SNCAIP: variants seen among roughly 807,000 people sequenced by gnomAD.
SNCAIP encodes synuclein alpha interacting protein.
A neutral mutation model predicts 86.7 loss-of-function variants in SNCAIP; 43 were observed. That is an observed-to-expected ratio of 0.50 (90% CI 0.39 to 0.64). The LOEUF (loss-of-function observed/expected upper bound fraction) is 0.64, where lower values mean the gene tolerates loss of function less well. Ranked by LOEUF, SNCAIP falls within the 30% of genes least tolerant of loss-of-function variation. The pLI, the probability that SNCAIP is intolerant of heterozygous loss-of-function variation, is 0.00. For synonymous variants in SNCAIP, 417 were observed against 427.2 expected, an observed-to-expected ratio of 0.98 and a Z score of 0.29; for missense variants, 981 against 1,103.1, an observed-to-expected ratio of 0.89 and a Z score of 1.57.
chr5:122,449,591 T>C (rs1220985124), intron 8 of SNCAIP, among the ~76,000 whole-genome samples: 2 of 152,194 alleles, frequency 1.3e-5, no homozygotes, highest in Non-Finnish European at 2.9e-5. Flanking sequence ...TATAATTTGT[T>C]CACTGAGACT....
intron 1 of SNCAIP, among the ~76,000 whole-genome samples, chr5:122,348,858 A>G (rs1010982154): frequency 6.6e-6 from 1 of 152,186 alleles, no homozygotes; most frequent in Non-Finnish European, 1.5e-5. Context: ...TTTAAGCTGC[A>G]CTGTTGTAAA....
At chr5:122,358,713 C>G (rs1761615009) in intron 1 of SNCAIP, among the ~76,000 whole-genome samples, 1 of 152,030 alleles carries the variant, frequency 6.6e-6, no homozygotes, top group Admixed American at 6.6e-5. Flanking sequence ...TGAAAAACCA[C>G]AGTTTTTAAA....
chr5:122,444,394 G>A (rs1165583618), intron 7 of SNCAIP, 169 bp from the exon 8 acceptor site: 3 of 693,178 alleles, frequency 4.3e-6, no homozygotes, highest in Non-Finnish European at 7.8e-6. Flanking sequence ...ATTGATAGTA[G>A]TAGGACTGGC....
intron 1 of SNCAIP, among the ~76,000 whole-genome samples, chr5:122,346,031 G>T (rs1052785558): frequency 7.2e-5 from 11 of 152,090 alleles, no homozygotes; most frequent in Admixed American, 1.3e-4. Context: ...AGGGAAAAGA[G>T]GAGAGGGCTG....
intron 1 of SNCAIP, among the ~76,000 whole-genome samples, chr5:122,366,540 A>T (rs1054102770): frequency 3.9e-5 from 6 of 152,220 alleles, no homozygotes; most frequent in African/African-American, 1.4e-4. Context: ...ATTCATTGGC[A>T]AGTGAAAAGC....
intron 1 of SNCAIP, among the ~76,000 whole-genome samples, chr5:122,345,588 G>A (rs765578558): frequency 7.9e-5 from 12 of 152,092 alleles, no homozygotes; most frequent in Non-Finnish European, 1.6e-4. Context: ...CAACTCCCAT[G>A]ATCTCTGTAC....
chr5:122,436,141 G>C (rs2152956041), intron 6 of SNCAIP, among the ~76,000 whole-genome samples: 1 of 152,152 alleles, frequency 6.6e-6, no homozygotes, highest in South Asian at 2.1e-4. Context: ...ACAGCAAACT[G>C]TCTCCATTGT....
chr5:122,444,788 AG>A (rs1781921254), intron 8 of SNCAIP, 56 bp downstream of exon 8: 1 of 1,420,982 alleles, frequency 7.0e-7, no homozygotes, highest in African/African-American at 1.4e-5. Context: ...TGTTGTACTT[AG>A]GCTTCAGCCC....
intron 5 of SNCAIP, 110 bp from the exon 6 acceptor site, chr5:122,431,859 A>G: frequency 8.4e-6 from 6 of 715,322 alleles, no homozygotes; most frequent in Non-Finnish European, 1.6e-5. Flanking sequence ...GCCTGATATA[A>G]ATGCCAAAAT....
At chr5:122,442,810 C>T (rs912582210) in intron 7 of SNCAIP, among the ~76,000 whole-genome samples, 6 of 152,086 alleles carry the variant, frequency 3.9e-5, no homozygotes, top group Non-Finnish European at 5.9e-5. Flanking sequence ...GCGTTCATCA[C>T]TCCACTTACA....
intron 3 of SNCAIP, among the ~76,000 whole-genome samples, chr5:122,418,190 A>G (rs1353305524): frequency 6.6e-6 from 1 of 152,200 alleles, no homozygotes; most frequent in African/African-American, 2.4e-5. Context: ...GTGATTTGGG[A>G]ATCATGAGTG....
chr5:122,436,015 C>T (rs1779378216), intron 6 of SNCAIP, among the ~76,000 whole-genome samples: 1 of 152,026 alleles, frequency 6.6e-6, no homozygotes, highest in South Asian at 2.1e-4. Context: ...TTCTTTGACT[C>T]AAGGGGCACA....
intron 1 of SNCAIP, among the ~76,000 whole-genome samples, chr5:122,343,073 G>A (rs755519669): frequency 6.6e-6 from 1 of 152,168 alleles, no homozygotes; most frequent in Non-Finnish European, 1.5e-5. Flanking sequence ...TGGCAAATAT[G>A]TTCATGAGTT....
chr5:122,319,299 G>A (rs1299319930), intron 1 of SNCAIP, among the ~76,000 whole-genome samples: 1 of 151,936 alleles, frequency 6.6e-6, no homozygotes, highest in African/African-American at 2.4e-5. Context: ...TTGAAATTAA[G>A]ATCAGTTTCT....
intron 1 of SNCAIP, among the ~76,000 whole-genome samples, chr5:122,366,782 T>C (rs1763281408): frequency 6.6e-6 from 1 of 152,144 alleles, no homozygotes; most frequent in African/African-American, 2.4e-5. Flanking sequence ...CCATCTTCCC[T>C]GTAGGCAGTG....
intron 1 of SNCAIP, among the ~76,000 whole-genome samples, chr5:122,338,093 C>T (rs1756869270): frequency 6.6e-6 from 1 of 152,128 alleles, no homozygotes; most frequent in South Asian, 2.1e-4. Context: ...TAAGTCTTTT[C>T]TCAAGCAACT....
At chr5:122,330,621 C>A (rs950353609) in intron 1 of SNCAIP, among the ~76,000 whole-genome samples, 6 of 151,898 alleles carry the variant, frequency 4.0e-5, no homozygotes, top group African/African-American at 1.5e-4. Context: ...TTTGGTTTTC[C>A]CATATGATTC....
At chr5:122,386,570 A>C (rs1372348455) in intron 1 of SNCAIP, among the ~76,000 whole-genome samples, 1 of 152,218 alleles carries the variant, frequency 6.6e-6, no homozygotes, top group Non-Finnish European at 1.5e-5. Flanking sequence ...GCCGGGCATC[A>C]GTTTGGAGTT....
chr5:122,348,100 T>C (rs963924766), intron 1 of SNCAIP, among the ~76,000 whole-genome samples: 2 of 152,160 alleles, frequency 1.3e-5, no homozygotes, highest in Non-Finnish European at 2.9e-5. Flanking sequence ...AGCATTGGGA[T>C]TCCCCCATCC....
Sources: allele counts gnomAD v4.1 joint callset (sites outside exome capture counted in the v4.1 genomes callset), GRCh38; gene constraint gnomAD v4.1.1; transcripts MANE v1.5; gene names NCBI Gene and HGNC (gene_info 2026-07-23, HGNC 2026-07-21).